Variants in ODAD2 observed in about 807,000 individuals in gnomAD.
ODAD2 encodes the protein outer dynein arm-docking complex subunit 2.
A neutral mutation model predicts 106.8 loss-of-function variants in ODAD2; 89 were observed. The observed-to-expected ratio is 0.83, with a 90% CI of 0.70 to 0.99. The LOEUF (loss-of-function observed/expected upper bound fraction) is 0.99, where lower values mean the gene tolerates loss of function less well. Among genes scored for constraint, ODAD2 ranks in the 50% least tolerant of loss-of-function variants. The pLI, the probability that ODAD2 is intolerant of heterozygous loss-of-function variation, is 0.00. For synonymous variants in ODAD2, 404 were observed against 436.2 expected, an observed-to-expected ratio of 0.93 and a Z score of 0.92; for missense variants, 1,168 against 1,238.5, an observed-to-expected ratio of 0.94 and a Z score of 0.85.
At chr10:27,854,881 TAAGTAAGCTGAGTG>T (rs2133262541) in intron 19 of ODAD2, among the ~76,000 whole-genome samples, 1 of 152,078 alleles carries the variant, frequency 6.6e-6, no homozygotes, top group African/African-American at 2.4e-5. Flanking sequence ...AATACGAAAA[TAAGTAAGCTGAGTG>T]AAGGAAGCCA....
rs574889297 is a variant in ODAD2 at position 27,983,705 on chromosome 10, G to A, written c.819+138C>T. ...AAGCTATTTTGGATTTGCCCAGCAA[G>A]CATATATCAAAGGAATCTGCTTCTA... is the stretch of plus-strand genomic sequence containing the variant. On this transcript the variant is annotated intron_variant, in intron 6 of 19. Transcript: ENST00000305242. 20 of 826,826 alleles carry A rather than the reference G, an allele frequency of 2.4e-5. No individual in the cohort carries two copies. In the African/African-American group the frequency reaches 3.3e-4, roughly 14 times the overall value. 51.2% of individuals were successfully genotyped at this position (826,826 alleles called of 1,614,324 possible). A position where few individuals can be genotyped will look rare whatever the true frequency, so the allele number is the denominator to read the frequency against.
At chr10:27,888,070 C>T (rs553910529) in intron 17 of ODAD2, among the ~76,000 whole-genome samples, 1 of 152,146 alleles carries the variant, frequency 6.6e-6, no homozygotes, top group East Asian at 1.9e-4. Context: ...AAGAAAAGGA[C>T]ACTTAAGGTG....
At chr10:27,947,061 A>G (rs544916316) in intron 10 of ODAD2, among the ~76,000 whole-genome samples, 3 of 152,148 alleles carry the variant, frequency 2.0e-5, no homozygotes, top group Non-Finnish European at 4.4e-5. Flanking sequence ...TAATTTTACT[A>G]TTTACTAATA....
intron 1 of ODAD2, among the ~76,000 whole-genome samples, chr10:27,998,063 T>C (rs2133253968): frequency 6.6e-6 from 1 of 152,320 alleles, no homozygotes; most frequent in East Asian, 1.9e-4. Context: ...GCATCATTAG[T>C]GAAATGAAAC....
chr10:27,893,419 G>T (rs1842683397), intron 17 of ODAD2, among the ~76,000 whole-genome samples: 1 of 152,152 alleles, frequency 6.6e-6, no homozygotes, highest in African/African-American at 2.4e-5. Flanking sequence ...TGACAGACGT[G>T]GTAGGGGCCC....
At chr10:27,977,097 A>C (rs1849238661) in intron 7 of ODAD2, among the ~76,000 whole-genome samples, 1 of 152,182 alleles carries the variant, frequency 6.6e-6, no homozygotes, top group Non-Finnish European at 1.5e-5. Context: ...AAAGTGGATC[A>C]TAGATATAGA....
At chr10:27,918,026 A>C (rs2133938284) in intron 16 of ODAD2, among the ~76,000 whole-genome samples, 1 of 152,064 alleles carries the variant, frequency 6.6e-6, no homozygotes, top group Admixed American at 6.5e-5. Flanking sequence ...GTAATTTTAA[A>C]AACCAATTAA....
At chr10:27,930,684 T>C (rs1469217479) in intron 16 of ODAD2, among the ~76,000 whole-genome samples, 1 of 151,996 alleles carries the variant, frequency 6.6e-6, no homozygotes, top group African/African-American at 2.4e-5. Context: ...ATTTTTTGAT[T>C]CTCTTATTAA....
intron 16 of ODAD2, among the ~76,000 whole-genome samples, chr10:27,924,048 G>GAA (rs1554810929): frequency 0.01 from 1,271 of 126,902 alleles, 51 homozygotes; most frequent in Non-Finnish European, 0.014. Context: ...AAGAAGGAAA[G>GAA]AGAAAGAAAG....
intron 17 of ODAD2, among the ~76,000 whole-genome samples, chr10:27,885,902 T>G (rs1842183084): frequency 8.1e-6 from 1 of 123,206 alleles, no homozygotes; most frequent in East Asian, 2.1e-4. Context: ...TATTTATATA[T>G]AAAAATATAT....
chr10:27,870,258 A>C (rs1043768609), intron 17 of ODAD2, among the ~76,000 whole-genome samples: 11 of 152,014 alleles, frequency 7.2e-5, no homozygotes, highest in Admixed American at 6.6e-4. Context: ...TTTCTCTCCC[A>C]GTCTTCTCTT....
chr10:27,924,016 A>AGGAAAG (rs1845030337), intron 16 of ODAD2, among the ~76,000 whole-genome samples: 1 of 131,434 alleles, frequency 7.6e-6, no homozygotes, highest in Non-Finnish European at 1.6e-5. Context: ...GAAAGAAAGA[A>AGGAAAG]AGAAAGAAGG....
chr10:27,932,748 A>C (rs530536443), intron 16 of ODAD2, among the ~76,000 whole-genome samples: 9 of 152,054 alleles, frequency 5.9e-5, no homozygotes, highest in Admixed American at 5.9e-4. Flanking sequence ...ACCAACTCCC[A>C]CCCAGTCACT....
intron 17 of ODAD2, among the ~76,000 whole-genome samples, chr10:27,876,615 G>T (rs1028467529): frequency 1.6e-4 from 24 of 152,182 alleles, no homozygotes; most frequent in African/African-American, 5.3e-4. Context: ...TATTTGCTTA[G>T]GGCCCAATTA....
intron 19 of ODAD2, among the ~76,000 whole-genome samples, chr10:27,848,806 C>T (rs1164856286): frequency 1.3e-5 from 2 of 152,176 alleles, no homozygotes; most frequent in Non-Finnish European, 2.9e-5. Context: ...AGAAAATGCT[C>T]ATCATCACTG....
intron 19 of ODAD2, among the ~76,000 whole-genome samples, chr10:27,832,797 C>T (rs1378268408): frequency 6.6e-6 from 1 of 152,148 alleles, no homozygotes; most frequent in Non-Finnish European, 1.5e-5. Context: ...TGGTCCCATG[C>T]TATACTAAAG....
At chr10:27,941,615 T>C (rs1846452182) in intron 12 of ODAD2, among the ~76,000 whole-genome samples, 1 of 150,166 alleles carries the variant, frequency 6.7e-6, no homozygotes, top group Admixed American at 6.6e-5. Context: ...TTTTTTTTTT[T>C]TGCAATAACT....
At chr10:27,848,662 T>G (rs575757079) in intron 19 of ODAD2, among the ~76,000 whole-genome samples, 46 of 152,356 alleles carry the variant, frequency 3.0e-4, no homozygotes, top group African/African-American at 1.0e-3. Context: ...TCTACCCATC[T>G]GACGAAGGGC....
intron 6 of ODAD2, among the ~76,000 whole-genome samples, 159 bp downstream of exon 6, chr10:27,983,684 T>G (rs1470107218): frequency 2.0e-5 from 3 of 152,206 alleles, no homozygotes; most frequent in African/African-American, 7.2e-5. Context: ...ATTCTGAAGC[T>G]ATTTTGGATT....
Sources: allele counts gnomAD v4.1 joint callset (sites outside exome capture counted in the v4.1 genomes callset), GRCh38; gene constraint gnomAD v4.1.1; transcripts MANE v1.5; gene names NCBI Gene and HGNC (gene_info 2026-07-23, HGNC 2026-07-21).